Variants in CCSER1 observed in about 807,000 individuals in gnomAD.
The protein encoded by CCSER1 is serine-rich coiled-coil domain-containing protein 1.
A neutral mutation model predicts 82.0 loss-of-function variants in CCSER1; 41 were observed. That is an observed-to-expected ratio of 0.50 (90% CI 0.39 to 0.65). The LOEUF (loss-of-function observed/expected upper bound fraction) is 0.65, where lower values mean the gene tolerates loss of function less well. Among genes scored for constraint, CCSER1 ranks in the 30% least tolerant of loss-of-function variants. The pLI is 0.00. For missense variants in CCSER1, 1,119 were observed against 1,064.2 expected, an observed-to-expected ratio of 1.05 and a Z score of -0.72; for synonymous variants, 414 against 383.9, an observed-to-expected ratio of 1.08 and a Z score of -0.92.
intron 8 of CCSER1, among the ~76,000 whole-genome samples, chr4:90,830,438 C>G (rs977009993): frequency 1.3e-5 from 2 of 152,148 alleles, no homozygotes; most frequent in African/African-American, 4.8e-5. Flanking sequence ...TTCCTTCACT[C>G]AAATTATTTC....
At chr4:90,662,302 A>G (rs1353408879) in intron 6 of CCSER1, among the ~76,000 whole-genome samples, 3 of 151,990 alleles carry the variant, frequency 2.0e-5, no homozygotes, top group Non-Finnish European at 2.9e-5. Context: ...TGGCCGTCCT[A>G]TACTACTCTT....
intron 7 of CCSER1, chr4:90,727,126 T>C: frequency 2.4e-6 from 1 of 408,796 alleles, no homozygotes; most frequent in Non-Finnish European, 4.8e-6. Context: ...CTTTTACCTT[T>C]ATAAACTATT....
intron 10 of CCSER1, among the ~76,000 whole-genome samples, chr4:91,384,905 T>G (rs1751178831): frequency 6.6e-6 from 1 of 152,104 alleles, no homozygotes; most frequent in Admixed American, 6.6e-5. Context: ...ATACCTATGA[T>G]ATTGACAAAA....
chr4:90,510,859 C>T (rs1377643363), intron 5 of CCSER1, among the ~76,000 whole-genome samples: 1 of 152,178 alleles, frequency 6.6e-6, no homozygotes, highest in East Asian at 1.9e-4. Context: ...TGATGAGTCA[C>T]AGTAGCAGGG....
chr4:91,280,753 A>T (rs1742854412), intron 10 of CCSER1, among the ~76,000 whole-genome samples: 1 of 152,134 alleles, frequency 6.6e-6, no homozygotes, highest in Non-Finnish European at 1.5e-5. Flanking sequence ...CTACTGAAGG[A>T]GACTGGGTTG....
intron 6 of CCSER1, among the ~76,000 whole-genome samples, chr4:90,639,080 G>C (rs565115400): frequency 6.6e-6 from 1 of 151,984 alleles, no homozygotes; most frequent in Non-Finnish European, 1.5e-5. Flanking sequence ...AGCCACTGCA[G>C]TGATCTTACT....
chr4:91,031,493 C>T (rs899395420), intron 9 of CCSER1, among the ~76,000 whole-genome samples: 2 of 152,208 alleles, frequency 1.3e-5, no homozygotes, highest in Admixed American at 6.5e-5. Flanking sequence ...AATGCTTATT[C>T]AATAAAAGCT....
intron 9 of CCSER1, among the ~76,000 whole-genome samples, chr4:90,978,696 C>A (rs951928970): frequency 1.3e-5 from 2 of 151,696 alleles, no homozygotes; most frequent in African/African-American, 4.8e-5. Flanking sequence ...GTAATTCAAT[C>A]TTTCTCTTTG....
intron 10 of CCSER1, among the ~76,000 whole-genome samples, chr4:91,392,524 A>T (rs2149351168): frequency 6.6e-6 from 1 of 152,204 alleles, no homozygotes; most frequent in South Asian, 2.1e-4. Context: ...TAAAGATGAA[A>T]TTTCTAGGGA....
At chr4:91,020,647 G>A (rs920072995) in intron 9 of CCSER1, among the ~76,000 whole-genome samples, 5 of 151,530 alleles carry the variant, frequency 3.3e-5, no homozygotes, top group East Asian at 1.9e-4. Context: ...GGGTGACAGA[G>A]CGAGACTCCG....
chr4:90,285,136 T>C (rs1039547889), intron 1 of CCSER1, among the ~76,000 whole-genome samples: 1 of 152,080 alleles, frequency 6.6e-6, no homozygotes, highest in Non-Finnish European at 1.5e-5. Flanking sequence ...TTCTGGGTTG[T>C]TTGTGGTTCA....
At chr4:91,143,580 C>T (rs1233765399) in intron 10 of CCSER1, among the ~76,000 whole-genome samples, 2 of 151,990 alleles carry the variant, frequency 1.3e-5, no homozygotes, top group African/African-American at 2.4e-5. Context: ...CTAGCTTTTG[C>T]CCATTCAGTA....
intron 5 of CCSER1, among the ~76,000 whole-genome samples, chr4:90,529,719 T>C (rs1230592367): frequency 6.6e-6 from 1 of 152,134 alleles, no homozygotes; most frequent in African/African-American, 2.4e-5. Context: ...AATGTGGATG[T>C]TCAATTTCTT....
intron 10 of CCSER1, among the ~76,000 whole-genome samples, chr4:91,577,844 T>C (rs1292186094): frequency 6.6e-6 from 1 of 152,054 alleles, no homozygotes; most frequent in Non-Finnish European, 1.5e-5. Context: ...TGTGCATACA[T>C]TTTTGCTTTT....
chr4:91,189,341 A>G (rs1235153791), intron 10 of CCSER1, among the ~76,000 whole-genome samples: 59 of 152,320 alleles, frequency 3.9e-4, no homozygotes, highest in African/African-American at 1.4e-3. Context: ...GGTTTAGAGT[A>G]CATGAATGTA....
In CCSER1 at chr4:91,114,948, C is replaced by T. The variant is rs756691956; in HGVS notation, c.2217+28954C>T. Among the ~76,000 whole-genome samples the T allele has an allele frequency of 1.6e-4, 24 of 152,142 alleles. 1 individual carries two copies. The highest frequency in any genetic ancestry group is 3.1e-4 in the Non-Finnish European group (21 of 68,022). Reference sequence around the variant, plus strand: ...AGTCATGGAAACAGTTTATCTCCTTCTCTTAATATTTTATACATGCCGTGA... The same window carrying T: ...AGTCATGGAAACAGTTTATCTCCTTTTCTTAATATTTTATACATGCCGTGA... On this transcript the variant is annotated intron_variant, in intron 10 of 10. Transcript: ENST00000509176.
At chr4:90,820,118 TTTA>T (rs1396417619) in intron 8 of CCSER1, among the ~76,000 whole-genome samples, 3 of 152,182 alleles carry the variant, frequency 2.0e-5, no homozygotes, top group African/African-American at 7.2e-5. Flanking sequence ...CTTAGCTTTC[TTTA>T]CTTGAGGAGA....
At chr4:90,364,078 A>T (rs561766106) in intron 3 of CCSER1, among the ~76,000 whole-genome samples, 3 of 152,128 alleles carry the variant, frequency 2.0e-5, no homozygotes, top group African/African-American at 7.2e-5. Context: ...GGGTTTACCA[A>T]GTCTTTCTTC....
chr4:91,157,530 A>G (rs1276209899), intron 10 of CCSER1, among the ~76,000 whole-genome samples: 2 of 151,860 alleles, frequency 1.3e-5, no homozygotes, highest in African/African-American at 2.4e-5. Flanking sequence ...TTGTACTTTG[A>G]TATTCAATGT....
Sources: gnomAD v4.1 joint callset for allele counts (sites outside exome capture counted in the v4.1 genomes callset) on GRCh38, gnomAD v4.1.1 for gene constraint, MANE v1.5 for transcripts, NCBI Gene and HGNC (gene_info 2026-07-23, HGNC 2026-07-21) for gene names.